Variants in OXR1 observed in about 807,000 individuals in gnomAD.
The protein encoded by OXR1 is oxidation resistance protein 1.
A neutral mutation model predicts 104.6 loss-of-function variants in OXR1; 41 were observed. The ratio of observed to expected loss-of-function variants is 0.39; its 90% confidence interval spans 0.31 to 0.51. OXR1 has a LOEUF of 0.51. Ranked by LOEUF, OXR1 falls within the 20% of genes least tolerant of loss-of-function variation. The pLI is 0.77. For missense variants in OXR1, 955 were observed against 1,031.9 expected, an observed-to-expected ratio of 0.93 and a Z score of 1.02; for synonymous variants, 348 against 348.4, an observed-to-expected ratio of 1.00 and a Z score of 0.01.
At chr8:106,601,466 C>G (rs1398807784) in intron 3 of OXR1, among the ~76,000 whole-genome samples, 1 of 152,190 alleles carries the variant, frequency 6.6e-6, no homozygotes, top group African/African-American at 2.4e-5. Context: ...TCCTTGTATC[C>G]TCACATGGAG....
chr8:106,474,220 C>A (rs1220293825), intron 2 of OXR1, among the ~76,000 whole-genome samples: 1 of 150,960 alleles, frequency 6.6e-6, no homozygotes, highest in African/African-American at 2.4e-5. Flanking sequence ...CATGAGCTTT[C>A]GAATGTCTGA....
In OXR1 at chr8:106,740,484, A is replaced by G. The variant is rs1326018773; in HGVS notation, c.2305A>G (p.Ser769Gly). 1.2e-6 allele frequency: 2 copies of G among 1,611,098 alleles called. No homozygotes were observed. Among genetic ancestry groups the G allele is most frequent in the Admixed American group, 1.7e-5 (1 of 59,572 alleles). The part of the protein sequence containing the change: ...DTPVLMVIKD[S>G]DGQVFGALAS... ...CCCAGTGCTGATGGTGATTAAAGAC[A>G]GTGATGGACAGGTATGAAACACCAA... The change falls in exon 14 of 17, where the codon AGT becomes GGT. Residue 769 changes from serine to glycine, a missense_variant. Coordinates refer to ENST00000517566, the MANE Select transcript of OXR1 (RefSeq NM_001198533.2).
chr8:106,525,840 A>G (rs1389930503), intron 3 of OXR1, among the ~76,000 whole-genome samples: 3 of 152,232 alleles, frequency 2.0e-5, no homozygotes, highest in Non-Finnish European at 4.4e-5. Flanking sequence ...TATCTAAACT[A>G]ATCTCACTGT....
intron 1 of OXR1, among the ~76,000 whole-genome samples, chr8:106,356,482 C>T (rs925546981): frequency 6.6e-6 from 1 of 152,062 alleles, no homozygotes; most frequent in African/African-American, 2.4e-5. Context: ...CCATTTTTGA[C>T]CTACAAAAGC....
intron 2 of OXR1, among the ~76,000 whole-genome samples, chr8:106,492,268 T>C (rs527600874): frequency 6.6e-6 from 1 of 152,336 alleles, no homozygotes; most frequent in South Asian, 2.1e-4. Flanking sequence ...GTGCTATGTG[T>C]TGCTAATTCA....
At chr8:106,405,116 G>A (rs1194219718) in intron 2 of OXR1, among the ~76,000 whole-genome samples, 6 of 137,546 alleles carry the variant, frequency 4.4e-5, no homozygotes, top group Non-Finnish European at 6.2e-5. Context: ...CCTCAAATCA[G>A]ATTAGAGAGC....
chr8:106,330,310 G>T (rs1814657646), intron 1 of OXR1, among the ~76,000 whole-genome samples: 1 of 152,148 alleles, frequency 6.6e-6, no homozygotes, highest in Non-Finnish European at 1.5e-5. Context: ...TTCATGGTGG[G>T]GTAGTGCAGA....
chr8:106,721,257 T>C (rs1330341678), intron 11 of OXR1, among the ~76,000 whole-genome samples: 1 of 151,978 alleles, frequency 6.6e-6, no homozygotes, highest in Non-Finnish European at 1.5e-5. Context: ...CTTTCCAAAA[T>C]TTTTCATCTC....
chr8:106,565,286 A>T (rs1466164733), intron 3 of OXR1, among the ~76,000 whole-genome samples: 1 of 152,114 alleles, frequency 6.6e-6, no homozygotes, highest in Non-Finnish European at 1.5e-5. Flanking sequence ...AGGTCTCGGG[A>T]TATAAAATCA....
intron 1 of OXR1, among the ~76,000 whole-genome samples, chr8:106,283,625 A>G (rs906591902): frequency 6.6e-6 from 1 of 152,194 alleles, no homozygotes; most frequent in Admixed American, 6.5e-5. Flanking sequence ...TAGTAGTCAA[A>G]GGGCCTCCCC....
chr8:106,573,548 T>C (rs1188481122), intron 3 of OXR1, among the ~76,000 whole-genome samples: 1 of 152,220 alleles, frequency 6.6e-6, no homozygotes, highest in Admixed American at 6.5e-5. Context: ...TTTAATTTAA[T>C]GAAAGACATG....
chr8:106,425,981 G>A (rs951092073), intron 2 of OXR1, among the ~76,000 whole-genome samples: 1 of 152,150 alleles, frequency 6.6e-6, no homozygotes, highest in Non-Finnish European at 1.5e-5. Context: ...AGTGAATGAA[G>A]GGGAGAGCCA....
chr8:106,664,452 AAGGT>A (rs1826075719), intron 3 of OXR1, among the ~76,000 whole-genome samples: 1 of 152,196 alleles, frequency 6.6e-6, no homozygotes, highest in Non-Finnish European at 1.5e-5. Context: ...TATCCATGGG[AAGGT>A]TAGAAGTAAA....
intron 1 of OXR1, among the ~76,000 whole-genome samples, chr8:106,343,253 A>ATCCTT (rs1435710004): frequency 6.6e-6 from 1 of 152,080 alleles, no homozygotes; most frequent in Admixed American, 6.6e-5. Flanking sequence ...CCTACTCAAA[A>ATCCTT]TCCTTCCCTG....
At chr8:106,539,070 G>T (rs910248951) in intron 3 of OXR1, among the ~76,000 whole-genome samples, 3 of 152,044 alleles carry the variant, frequency 2.0e-5, no homozygotes, top group African/African-American at 7.2e-5. Flanking sequence ...TACTTTCTCT[G>T]GGTACATGTC....
intron 1 of OXR1, among the ~76,000 whole-genome samples, chr8:106,307,170 G>A (rs962536969): frequency 1.3e-5 from 2 of 152,258 alleles, no homozygotes; most frequent in South Asian, 4.1e-4. Flanking sequence ...ATAAGAAAAC[G>A]TTATAGGAGG....
chr8:106,372,219 G>A (rs1816735819), intron 2 of OXR1, among the ~76,000 whole-genome samples: 2 of 152,118 alleles, frequency 1.3e-5, no homozygotes, highest in African/African-American at 2.4e-5. Context: ...CCCTGGTTGG[G>A]TAGTGTGCTC....
intron 3 of OXR1, chr8:106,658,119 C>G: frequency 1.8e-5 from 22 of 1,247,254 alleles, no homozygotes; most frequent in Non-Finnish European, 2.1e-5. Flanking sequence ...GGAGCCAGCC[C>G]AGGGGGACCT....
At chr8:106,534,056 A>T (rs1186980123) in intron 3 of OXR1, among the ~76,000 whole-genome samples, 1 of 152,162 alleles carries the variant, frequency 6.6e-6, no homozygotes, top group Non-Finnish European at 1.5e-5. Flanking sequence ...AAAGCTTTAA[A>T]GCCTGAAATC....
Sources: allele counts gnomAD v4.1 joint callset (sites outside exome capture counted in the v4.1 genomes callset), GRCh38; gene constraint gnomAD v4.1.1; transcripts MANE v1.5; gene names NCBI Gene and HGNC (gene_info 2026-07-23, HGNC 2026-07-21).